Variants in DNAAF9 observed in about 807,000 individuals in gnomAD.
DNAAF9 encodes the protein dynein axonemal assembly factor 9.
DNAAF9 carries 90 observed loss-of-function variants against 167.0 expected under a neutral mutation model. That is an observed-to-expected ratio of 0.54 (90% CI 0.45 to 0.64). The LOEUF (loss-of-function observed/expected upper bound fraction) is 0.64, where lower values mean the gene tolerates loss of function less well. DNAAF9 is among the 30% of genes least tolerant of loss of function. The pLI, the probability that DNAAF9 is intolerant of heterozygous loss-of-function variation, is 0.00. For synonymous variants in DNAAF9, 491 were observed against 508.8 expected, an observed-to-expected ratio of 0.96 and a Z score of 0.47; for missense variants, 1,315 against 1,442.2, an observed-to-expected ratio of 0.91 and a Z score of 1.43.
rs2084082837 is a variant in DNAAF9, at chr20:3,407,587, C to T, written c.-30G>A. ...GCGGACGACTGGCGGCGGAGGAGGACGGTGCAGCTGCGAGGGTCTCAGTTG... is the reference window on the plus strand; with the variant it reads ...GCGGACGACTGGCGGCGGAGGAGGATGGTGCAGCTGCGAGGGTCTCAGTTG... On this transcript the variant is annotated 5_prime_UTR_variant, in exon 1 of 37. Transcript: ENST00000252032. The T allele has an allele frequency of 3.3e-6, 4 of 1,227,044 alleles. No individual in the cohort carries two copies. Among genetic ancestry groups the T allele is most frequent in the Non-Finnish European group, 4.1e-6 (4 of 984,748 alleles). 76.0% of individuals were successfully genotyped at this position (1,227,044 alleles called of 1,614,324 possible).
chr20:3,315,938 G>C lies in DNAAF9; in HGVS notation c.1540-153C>G. The C allele has an allele frequency of 1.5e-6, 1 of 678,630 alleles. No homozygotes were observed. The highest frequency in any genetic ancestry group is 2.7e-6 in the Non-Finnish European group (1 of 375,534). The allele number at this position is 678,630 out of a possible 1,614,324, so 42.0% of individuals were successfully genotyped here. On this transcript the variant is annotated intron_variant, in intron 18 of 36. Transcript: ENST00000252032. This position sits in a 1 kb window ranked among gnomAD's most constrained non-coding sequence, Gnocchi z 4.1. ...TGCTCTCAGGCCCTGACACACCTGA[G>C]ATGTCTGCTGGTCACCTGGGCTCAG...
At chr20:3,269,291 C>A (rs539145503) in intron 30 of DNAAF9, among the ~76,000 whole-genome samples, 13 of 151,628 alleles carry the variant, frequency 8.6e-5, no homozygotes, top group Non-Finnish European at 1.6e-4. Context: ...CTCAGTATAA[C>A]CCTAAACTCC....
intron 27 of DNAAF9, among the ~76,000 whole-genome samples, chr20:3,284,139 C>A (rs1457301844): frequency 6.6e-6 from 1 of 151,614 alleles, no homozygotes. Context: ...CACCCCCTAC[C>A]CAGAAGGAAG....
intron 27 of DNAAF9, among the ~76,000 whole-genome samples, chr20:3,282,008 G>A (rs1390771288): frequency 6.6e-6 from 1 of 152,206 alleles, no homozygotes; most frequent in Admixed American, 6.5e-5. Flanking sequence ...GAACCACCCT[G>A]CTCTGGAGGT....
intron 6 of DNAAF9, among the ~76,000 whole-genome samples, chr20:3,366,267 TTG>T (rs2123196357): frequency 6.6e-6 from 1 of 152,314 alleles, no homozygotes; most frequent in Non-Finnish European, 1.5e-5. Flanking sequence ...AGAATGGATG[TTG>T]TGTTAGTAGG....
chr20:3,283,456 G>A (rs1304495985), intron 27 of DNAAF9, among the ~76,000 whole-genome samples: 1 of 152,208 alleles, frequency 6.6e-6, no homozygotes, highest in African/African-American at 2.4e-5. Flanking sequence ...CCCCCAGGGG[G>A]GCCTGACAGC....
chr20:3,262,388 C>T (rs901814656), intron 31 of DNAAF9, among the ~76,000 whole-genome samples: 1 of 151,762 alleles, frequency 6.6e-6, no homozygotes, highest in African/African-American at 2.4e-5. Context: ...GTAGCTGGGA[C>T]TACAGGTGCC....
chr20:3,314,317 G>C (rs2069464844), intron 20 of DNAAF9, among the ~76,000 whole-genome samples: 2 of 152,272 alleles, frequency 1.3e-5, no homozygotes, highest in South Asian at 4.1e-4. Flanking sequence ...AGGGTGGGCT[G>C]GGATAGGCAA....
At chr20:3,265,566 C>G (rs1171829844) in intron 30 of DNAAF9, among the ~76,000 whole-genome samples, 1 of 111,806 alleles carries the variant, frequency 8.9e-6, no homozygotes, top group East Asian at 2.9e-4. Flanking sequence ...CAGAGTGAGA[C>G]TCTGTCTCAG....
At chr20:3,316,846 T>A in intron 17 of DNAAF9, 53 bp from the exon 18 acceptor site, 13 of 1,330,544 alleles carry the variant, frequency 9.8e-6, no homozygotes, top group Non-Finnish European at 1.3e-5. Context: ...TCAGCCTGCC[T>A]TGCAGGCCCC....
intron 3 of DNAAF9, among the ~76,000 whole-genome samples, chr20:3,380,876 T>C (rs2083640075): frequency 6.6e-6 from 1 of 152,122 alleles, no homozygotes. Flanking sequence ...TAAACAGAAA[T>C]CCAGCATTGT....
At position 3,252,352 on chromosome 20, in the gene DNAAF9, C is replaced by G; in HGVS notation, c.*220G>C. 4.3e-6 allele frequency: 2 copies of G among 466,602 alleles called. No homozygotes were observed. The highest frequency in any genetic ancestry group is 7.8e-6 in the Non-Finnish European group (2 of 256,404). The allele number at this position is 466,602 out of a possible 1,614,324, so 28.9% of individuals were successfully genotyped here. ...AGACGGGCAGGCCCCATCTGCTCAT[C>G]CTTGAGTATTCCCCCGACCCCCAAA... On this transcript the variant is annotated 3_prime_UTR_variant, in exon 37 of 37. Transcript: ENST00000252032.
intron 1 of DNAAF9, among the ~76,000 whole-genome samples, chr20:3,383,007 G>A (rs752683093): frequency 3.3e-5 from 5 of 152,172 alleles, no homozygotes; most frequent in Non-Finnish European, 7.3e-5. Flanking sequence ...CATATAGGGA[G>A]TGTCAGCAGA....
chr20:3,264,519 TC>T lies in DNAAF9; in HGVS notation c.2791del (p.Glu931LysfsTer5). 1 of 1,491,158 alleles carries T rather than the reference TC, an allele frequency of 6.7e-7. No individual in the cohort carries two copies. The highest frequency in any genetic ancestry group is 9.4e-7 in the Non-Finnish European group (1 of 1,068,734). The allele number at this position is 1,491,158 out of a possible 1,614,324, so 92.4% of individuals were successfully genotyped here. A position where few individuals can be genotyped will look rare whatever the true frequency, so the allele number is the denominator to read the frequency against. On this transcript the variant is annotated frameshift_variant, in exon 31 of 37. Coordinates refer to ENST00000252032, the MANE Select transcript of DNAAF9 (RefSeq NM_001009984.3). LOFTEE classifies it high-confidence loss of function. ...TTCTGAGAGAATCAGCTCAATGTCT[TC>T]ATTCCTTTGAAAACACACAGAAAAG... ...LAENGIVTRN[E>X]DIELILSENS...
chr20:3,406,644 G>A (rs74640864), intron 1 of DNAAF9, among the ~76,000 whole-genome samples: 4,223 of 152,270 alleles, frequency 0.028, 63 homozygotes, highest in African/African-American at 0.037. Flanking sequence ...TAAAGGGGGC[G>A]GGGAACGCTC....
intron 6 of DNAAF9, among the ~76,000 whole-genome samples, chr20:3,367,468 T>G (rs1285060637): frequency 1.3e-5 from 2 of 152,240 alleles, no homozygotes; most frequent in East Asian, 3.8e-4. Context: ...GCTTTCAACA[T>G]GCCTCCTTCA....
intron 20 of DNAAF9, among the ~76,000 whole-genome samples, chr20:3,310,474 C>T (rs1373580493): frequency 6.6e-6 from 1 of 152,050 alleles, no homozygotes; most frequent in Non-Finnish European, 1.5e-5. Context: ...GACCTGAGGT[C>T]AGGAGTTCAA....
chr20:3,340,937 C>A (rs887523056), intron 9 of DNAAF9, among the ~76,000 whole-genome samples: 9 of 152,040 alleles, frequency 5.9e-5, no homozygotes, highest in Non-Finnish European at 7.4e-5. Context: ...GTCCATGATA[C>A]AGTGATAGAG....
At chr20:3,394,738 G>A (rs16988542) in intron 1 of DNAAF9, among the ~76,000 whole-genome samples, 6,632 of 151,882 alleles carry the variant, frequency 0.044, 405 homozygotes, top group East Asian at 0.15. Flanking sequence ...CTAAACTGTC[G>A]TATATAGTTG....
Sources: allele counts gnomAD v4.1 joint callset (sites outside exome capture counted in the v4.1 genomes callset), GRCh38; gene constraint gnomAD v4.1.1; non-coding constraint Gnocchi (gnomAD v3.1); transcripts MANE v1.5; gene names NCBI Gene and HGNC (gene_info 2026-07-23, HGNC 2026-07-21).